The following ZNF18 variants were observed in gnomAD, a reference collection of about 807,000 sequenced individuals.
The protein encoded by ZNF18 is heart development-specific gene 1 protein.
A neutral mutation model predicts 58.1 loss-of-function variants in ZNF18; 42 were observed. That is an observed-to-expected ratio of 0.72 (90% CI 0.56 to 0.93). The LOEUF is 0.93. Ranked by LOEUF, ZNF18 falls within the 40% of genes least tolerant of loss-of-function variation. The pLI, the probability that ZNF18 is intolerant of heterozygous loss-of-function variation, is 0.00. For synonymous variants in ZNF18, 231 were observed against 239.8 expected (o/e 0.96, Z 0.34); for missense variants, 540 against 644.2 (o/e 0.84, Z 1.75).
the ZNF18 span, among the ~76,000 whole-genome samples, chr17:12,008,299 G>A: frequency 3.3e-5 from 5 of 152,144 alleles, no homozygotes; most frequent in Non-Finnish European, 1.5e-5. Flanking sequence ...ACTTGAACTG[G>A]AATGCCTTTT....
rs1268862110 is a variant in ZNF18, at chr17:11,989,883, C to CT, written c.666+578dup. On this transcript the variant is annotated intron_variant, in intron 4 of 6. Transcript: ENST00000580306. ...TACTATAAAAGAAAAGATTAATGAACTTTAAGACATACAGAAATTGTCCAA... is the reference window on the plus strand; with the variant it reads ...TACTATAAAAGAAAAGATTAATGAACTTTTAAGACATACAGAAATTGTCCAA... Among the ~76,000 whole-genome samples the CT allele has an allele frequency of 2.6e-5, 4 of 151,934 alleles. No homozygotes were observed. In the East Asian group the frequency reaches 7.7e-4, roughly 29 times the overall value.
At chr17:12,020,995 A>T in the ZNF18 span, 1 of 1,209,502 alleles carries the variant, frequency 8.3e-7, no homozygotes, top group Non-Finnish European at 1.0e-6. Flanking sequence ...CGTCAGCAGC[A>T]TGCAGGGTAA....
rs1196908631 is a variant in ZNF18, at chr17:11,997,420, A to T, written c.-83+11T>A. 1.3e-5 allele frequency: 2 copies of T among 152,184 alleles called. No homozygotes were observed. Among genetic ancestry groups the T allele is most frequent in the Non-Finnish European group, 2.9e-5 (2 of 68,038 alleles). 9.4% of individuals were successfully genotyped at this position (152,184 alleles called of 1,614,324 possible). ...GGCCGGAGGCCGGGACCGCCCCGCA[A>T]GCGCGCTCACCTCGGCCCGCGGCGC... On this transcript the variant is annotated intron_variant, in intron 1 of 6. Transcript: ENST00000580306.
chr17:12,006,681 G>A, the ZNF18 span, among the ~76,000 whole-genome samples: 2 of 152,064 alleles, frequency 1.3e-5, no homozygotes. Flanking sequence ...AGCCTTGGAG[G>A]TTGAGGTTAC....
chr17:12,008,101 G>C, the ZNF18 span, among the ~76,000 whole-genome samples: 1 of 152,172 alleles, frequency 6.6e-6, no homozygotes, highest in Non-Finnish European at 1.5e-5. Flanking sequence ...TGTAGCCAAG[G>C]CACCAAACAG....
At chr17:11,983,255 A>C (rs1967496563) in intron 6 of ZNF18, 42 bp downstream of exon 6, 6 of 1,458,258 alleles carry the variant, frequency 4.1e-6, no homozygotes, top group African/African-American at 1.4e-5. Flanking sequence ...ATTTAATGAC[A>C]GGCAGTCAGA....
chr17:11,985,028 A>G (rs1326160624), intron 4 of ZNF18, among the ~76,000 whole-genome samples: 1 of 152,214 alleles, frequency 6.6e-6, no homozygotes, highest in African/African-American at 2.4e-5. Context: ...TGAAACAAAG[A>G]TTGGTATATT....
chr17:11,986,157 G>C (rs533046758), intron 4 of ZNF18, among the ~76,000 whole-genome samples: 24 of 152,314 alleles, frequency 1.6e-4, no homozygotes, highest in Non-Finnish European at 2.8e-4. Flanking sequence ...GCCTGCACAA[G>C]CTCTCTCTTT....
chr17:11,977,890 G>T lies in ZNF18; in HGVS notation c.*67C>A. 1 of 1,500,828 alleles carries T rather than the reference G, an allele frequency of 6.7e-7. No homozygotes were observed. The highest frequency in any genetic ancestry group is 8.9e-7 in the Non-Finnish European group (1 of 1,119,772). The allele number at this position is 1,500,828 out of a possible 1,614,324, so 93.0% of individuals were successfully genotyped here. A position where few individuals can be genotyped will look rare whatever the true frequency, so the allele number is the denominator to read the frequency against. ...TATCCTCTTAGACACAATTCCTCTT[G>T]ATGGAGCTGAGTATTTTTGTGACTG... On this transcript the variant is annotated 3_prime_UTR_variant, in exon 7 of 7. Coordinates refer to ENST00000580306, the MANE Select transcript of ZNF18 (RefSeq NM_001303281.2).
At chr17:11,988,390 T>C (rs1482704585) in intron 4 of ZNF18, among the ~76,000 whole-genome samples, 2 of 152,164 alleles carry the variant, frequency 1.3e-5, no homozygotes, top group Non-Finnish European at 2.9e-5. Flanking sequence ...GCAGCCTCCC[T>C]GAGTTGAGCA....
the ZNF18 span, among the ~76,000 whole-genome samples, chr17:12,005,832 T>C: frequency 1.3e-5 from 2 of 152,216 alleles, no homozygotes; most frequent in South Asian, 4.1e-4. Context: ...GTACAACATG[T>C]AGGCAAAATA....
chr17:11,984,204 A>T lies in ZNF18; in HGVS notation c.667-7T>A. The T allele has an allele frequency of 8.7e-7, 1 of 1,153,920 alleles. No individual in the cohort carries two copies. 71.5% of individuals were successfully genotyped at this position (1,153,920 alleles called of 1,614,324 possible). ...CCAGTTGTCTCCACTGTTCCTGGAAAAAAAAAAAAAAAAGCAATACAATAC... is the reference window on the plus strand; with the variant it reads ...CCAGTTGTCTCCACTGTTCCTGGAATAAAAAAAAAAAAAGCAATACAATAC... On this transcript the variant is annotated splice_polypyrimidine_tract_variant and splice_region_variant and intron_variant, in intron 4 of 6. Coordinates refer to ENST00000580306, the MANE Select transcript of ZNF18 (RefSeq NM_001303281.2).
chr17:12,010,040 G>T, the ZNF18 span, among the ~76,000 whole-genome samples: 2 of 152,064 alleles, frequency 1.3e-5, no homozygotes, highest in Non-Finnish European at 2.9e-5. Flanking sequence ...ACCAAAACAG[G>T]GGTGAAAGCT....
At chr17:11,989,158 CAAAA>C (rs34643808) in intron 4 of ZNF18, among the ~76,000 whole-genome samples, 1 of 119,954 alleles carries the variant, frequency 8.3e-6, no homozygotes, top group Non-Finnish European at 1.8e-5. Flanking sequence ...GACCCTGTCT[CAAAA>C]AAAAAAAAAA....
upstream of ZNF18, chr17:11,998,419 C>G (rs143804767): frequency 7.9e-5 from 12 of 152,136 alleles, no homozygotes; most frequent in East Asian, 2.3e-3. Flanking sequence ...TCCCCAATAA[C>G]CTATGGAAAT....
the ZNF18 span, among the ~76,000 whole-genome samples, chr17:12,015,594 G>C: frequency 7.2e-5 from 11 of 151,986 alleles, no homozygotes; most frequent in Non-Finnish European, 1.6e-4. Context: ...GGAAAAAATT[G>C]TAGTTAGTAG....
chr17:12,002,565 CATT>C, the ZNF18 span, among the ~76,000 whole-genome samples: 17 of 152,176 alleles, frequency 1.1e-4, no homozygotes, highest in East Asian at 3.3e-3. Flanking sequence ...AAGCTGCAGA[CATT>C]GTTACTGAGG....
chr17:11,997,848 C>T (rs1490996605), upstream of ZNF18, among the ~76,000 whole-genome samples: 1 of 152,186 alleles, frequency 6.6e-6, no homozygotes, highest in Non-Finnish European at 1.5e-5. Context: ...TGCCATTATC[C>T]CTGATTCTTA....
intron 4 of ZNF18, among the ~76,000 whole-genome samples, chr17:11,986,507 C>T (rs1967750224): frequency 6.6e-6 from 1 of 152,182 alleles, no homozygotes; most frequent in Non-Finnish European, 1.5e-5. Flanking sequence ...AAAGCGACCT[C>T]AATATACTGA....
Sources: gnomAD v4.1 joint callset for allele counts (sites outside exome capture counted in the v4.1 genomes callset) on GRCh38, gnomAD v4.1.1 for gene constraint, MANE v1.5 for transcripts, NCBI Gene and HGNC (gene_info 2026-07-23, HGNC 2026-07-21) for gene names.